SUGCT: variants seen among roughly 807,000 people sequenced by gnomAD.
SUGCT encodes the protein succinyl-CoA:glutarate CoA-transferase.
Under a neutral mutation model 55.0 loss-of-function variants are expected in SUGCT, and 41 were observed. The ratio of observed to expected loss-of-function variants is 0.74; its 90% CI spans 0.58 to 0.97. The LOEUF (loss-of-function observed/expected upper bound fraction) is 0.97, where lower values mean the gene tolerates loss of function less well. SUGCT is among the 50% of genes least tolerant of loss of function. The probability of loss-of-function intolerance (pLI) is 0.00; values close to 1 mark genes in which losing one functional copy is unlikely to be tolerated. For synonymous variants in SUGCT, 187 were observed against 200.4 expected (o/e 0.93, Z 0.56); for missense variants, 568 against 547.8 (o/e 1.04, Z -0.37).
At chr7:40,306,280 G>A (rs1417076610) in intron 8 of SUGCT, among the ~76,000 whole-genome samples, 4 of 152,106 alleles carry the variant, frequency 2.6e-5, no homozygotes, top group East Asian at 3.8e-4. Context: ...TACTGGGAAG[G>A]CCCTTTCCTT....
intron 6 of SUGCT, among the ~76,000 whole-genome samples, chr7:40,221,422 A>G (rs1256328940): frequency 6.6e-6 from 1 of 151,724 alleles, no homozygotes; most frequent in Admixed American, 6.6e-5. Context: ...TCAAAAAAAA[A>G]AAAAAATCTA....
intron 9 of SUGCT, among the ~76,000 whole-genome samples, chr7:40,356,542 C>T (rs917936147): frequency 6.6e-6 from 1 of 152,154 alleles, no homozygotes; most frequent in Non-Finnish European, 1.5e-5. Flanking sequence ...ACTGGCTAAG[C>T]CTATCAGAGC....
At chr7:40,866,624 C>T in the SUGCT span, among the ~76,000 whole-genome samples, 1 of 151,766 alleles carries the variant, frequency 6.6e-6, no homozygotes, top group African/African-American at 2.4e-5. Flanking sequence ...CTGAAGCCCC[C>T]ATTCTCAGAA....
At chr7:40,408,997 T>C (rs1786523425) in intron 9 of SUGCT, among the ~76,000 whole-genome samples, 1 of 152,206 alleles carries the variant, frequency 6.6e-6, no homozygotes, top group South Asian at 2.1e-4. Context: ...CTGTGTCGCC[T>C]GGGCTGGAAG....
At chr7:40,513,405 T>TG (rs1793053688) in intron 12 of SUGCT, among the ~76,000 whole-genome samples, 2 of 152,184 alleles carry the variant, frequency 1.3e-5, no homozygotes, top group Non-Finnish European at 2.9e-5. Context: ...GAACTACAAC[T>TG]GGGCTAAGCT....
chr7:40,317,106 C>G (rs926100882), intron 9 of SUGCT, among the ~76,000 whole-genome samples: 4 of 149,652 alleles, frequency 2.7e-5, no homozygotes, highest in Non-Finnish European at 5.9e-5. Flanking sequence ...AAAGTAAGTG[C>G]CTTTTGGGCT....
intron 8 of SUGCT, among the ~76,000 whole-genome samples, chr7:40,285,064 A>T (rs182446070): frequency 6.6e-6 from 1 of 152,206 alleles, no homozygotes; most frequent in African/African-American, 2.4e-5. Context: ...ATTGATAATT[A>T]CTAGTGGGAG....
At chr7:40,898,131 A>C in the SUGCT span, among the ~76,000 whole-genome samples, 1 of 151,952 alleles carries the variant, frequency 6.6e-6, no homozygotes, top group Admixed American at 6.5e-5. Flanking sequence ...TCGTGAAGCC[A>C]GCAAGACCAC....
rs367908721 is a variant in SUGCT, at chr7:40,391,939, G to A, written c.817-57348G>A. Among the ~76,000 whole-genome samples the A allele has an allele frequency of 2.0e-3, 305 of 152,272 alleles. 12 individuals carry two copies. In the South Asian group the frequency reaches 0.059, roughly 29 times the overall value. The stretch of plus-strand genomic sequence containing the variant: ...GAAAATATGACACACACACACCATG[G>A]AATACTGTGCAGGCATAAAAAAGGA... On this transcript the variant is annotated intron_variant, in intron 9 of 13. Coordinates refer to ENST00000335693, the MANE Select transcript of SUGCT (RefSeq NM_001193313.2).
chr7:40,898,332 C>T, the SUGCT span, among the ~76,000 whole-genome samples: 5 of 152,152 alleles, frequency 3.3e-5, no homozygotes, highest in Non-Finnish European at 7.3e-5. Context: ...CCGTAAGACT[C>T]ACCGCGAAGG....
Position 40,733,067 on chromosome 7 carries a change from T to TCAAA in SUGCT, c.1090-16350_1090-16347dup, listed in dbSNP as rs376841063. Among the ~76,000 whole-genome samples, 240 of 152,154 alleles carry TCAAA rather than the reference T, an allele frequency of 1.6e-3. 2 individuals are homozygous for TCAAA. Among genetic ancestry groups the TCAAA allele is most frequent in the African/African-American group, 5.5e-3 (227 of 41,494 alleles). On this transcript the variant is annotated intron_variant, in intron 12 of 13. Coordinates refer to ENST00000335693, the MANE Select transcript of SUGCT (RefSeq NM_001193313.2). ...CTGGGCGACAGAGCAAGACTTCATCTCAAACAAACAAACAAACAAAAAAGA... is the reference window on the plus strand; with the variant it reads ...CTGGGCGACAGAGCAAGACTTCATCTCAAACAAACAAACAAACAAACAAAAAAGA...
At chr7:40,371,801 C>G (rs1261063372) in intron 9 of SUGCT, among the ~76,000 whole-genome samples, 1 of 152,032 alleles carries the variant, frequency 6.6e-6, no homozygotes. Context: ...AAAACTTTCA[C>G]TTCATTTCCT....
intron 6 of SUGCT, among the ~76,000 whole-genome samples, chr7:40,198,835 A>G (rs1344006437): frequency 6.6e-6 from 1 of 152,056 alleles, no homozygotes. Flanking sequence ...CGTCTCTACT[A>G]AAAATACAAA....
intron 3 of SUGCT, among the ~76,000 whole-genome samples, chr7:40,183,911 C>T (rs1029976556): frequency 1.3e-5 from 2 of 152,116 alleles, no homozygotes; most frequent in South Asian, 2.1e-4. Flanking sequence ...TGGTGGTTCA[C>T]GCCTGTAGTC....
chr7:40,561,864 G>A (rs985269950), intron 12 of SUGCT, among the ~76,000 whole-genome samples: 1 of 150,836 alleles, frequency 6.6e-6, no homozygotes, highest in Admixed American at 6.6e-5. Flanking sequence ...GTTAATTTTT[G>A]TATTTTTAGA....
chr7:40,183,192 A>G (rs10230530), intron 3 of SUGCT, among the ~76,000 whole-genome samples: 77,576 of 151,988 alleles, frequency 0.51, 20,207 homozygotes, highest in Middle Eastern at 0.65. Context: ...AGAATCTCTT[A>G]AACTTGGGAG....
chr7:40,844,056 C>T (rs1039458104), intron 13 of SUGCT, among the ~76,000 whole-genome samples: 1 of 152,066 alleles, frequency 6.6e-6, no homozygotes, highest in Non-Finnish European at 1.5e-5. Flanking sequence ...TGGAACCAGC[C>T]AGTTGCTCCT....
intron 13 of SUGCT, among the ~76,000 whole-genome samples, chr7:40,801,015 C>G (rs1195691542): frequency 6.6e-6 from 1 of 152,164 alleles, no homozygotes; most frequent in Non-Finnish European, 1.5e-5. Flanking sequence ...CATCCTGACA[C>G]TGATCTCAAG....
At chr7:40,760,945 A>G (rs1297195733) in intron 13 of SUGCT, among the ~76,000 whole-genome samples, 1 of 152,270 alleles carries the variant, frequency 6.6e-6, no homozygotes, top group South Asian at 2.1e-4. Context: ...ATAGTTAATA[A>G]ACTCGTAGCT....
Sources: allele counts gnomAD v4.1 joint callset (sites outside exome capture counted in the v4.1 genomes callset), GRCh38; gene constraint gnomAD v4.1.1; transcripts MANE v1.5; gene names NCBI Gene and HGNC (gene_info 2026-07-23, HGNC 2026-07-21).